Variants in KLF13 observed in about 807,000 individuals in gnomAD.
KLF13 encodes Krueppel-like factor 13.
In KLF13, 8 loss-of-function variants were observed where a neutral mutation model predicts 16.7. The ratio of observed to expected loss-of-function variants is 0.48; its 90% CI spans 0.28 to 0.87. The LOEUF (loss-of-function observed/expected upper bound fraction) is 0.87. Among genes scored for constraint, KLF13 ranks in the 40% least tolerant of loss-of-function variants. The pLI, the probability that KLF13 is intolerant of heterozygous loss-of-function variation, is 0.10. For missense variants in KLF13, 447 were observed against 452.2 expected, an observed-to-expected ratio of 0.99 and a Z score of 0.10; for synonymous variants, 245 against 208.4, an observed-to-expected ratio of 1.18 and a Z score of -1.51.
At chr15:31,423,794 T>C (rs1306494735) in intron 1 of KLF13, among the ~76,000 whole-genome samples, 2 of 152,080 alleles carry the variant, frequency 1.3e-5, no homozygotes, top group Non-Finnish European at 2.9e-5. Flanking sequence ...TTTAAGAAAA[T>C]TGAAATCATA....
intron 1 of KLF13, among the ~76,000 whole-genome samples, chr15:31,350,446 G>A (rs2039198649): frequency 6.6e-6 from 1 of 152,226 alleles, no homozygotes; most frequent in Admixed American, 6.5e-5. Flanking sequence ...TCAAAGGAGG[G>A]AGTCTATGTG....
chr15:31,330,704 C>T (rs2038813130), intron 1 of KLF13, among the ~76,000 whole-genome samples: 1 of 152,234 alleles, frequency 6.6e-6, no homozygotes, highest in Non-Finnish European at 1.5e-5. Context: ...CCCACTCTTC[C>T]AGGAGTTATC....
downstream of KLF13, among the ~76,000 whole-genome samples, chr15:31,405,733 A>T (rs571196027): frequency 2.6e-4 from 39 of 152,304 alleles, no homozygotes; most frequent in African/African-American, 8.9e-4. Context: ...GGAAGGGGAG[A>T]GGCCTGCTGA....
At chr15:31,434,339 G>C (rs1236568381) in intron 1 of KLF13, among the ~76,000 whole-genome samples, 1 of 152,188 alleles carries the variant, frequency 6.6e-6, no homozygotes, top group African/African-American at 2.4e-5. Context: ...GGAGAGCCAG[G>C]AAGGTGCACA....
chr15:31,425,994 C>T (rs80088052), intron 1 of KLF13, among the ~76,000 whole-genome samples: 1,616 of 152,298 alleles, frequency 0.011, 36 homozygotes, highest in African/African-American at 0.037. Flanking sequence ...GTTCAAAGTT[C>T]CACAAATCTC....
intron 1 of KLF13, among the ~76,000 whole-genome samples, chr15:31,352,436 T>C (rs2039231421): frequency 6.6e-6 from 1 of 152,254 alleles, no homozygotes; most frequent in South Asian, 2.1e-4. Flanking sequence ...GAGCTCTGCC[T>C]GGCCCAGGTG....
chr15:31,391,907 C>G (rs944661570), upstream of KLF13, among the ~76,000 whole-genome samples: 4 of 152,098 alleles, frequency 2.6e-5, no homozygotes, highest in African/African-American at 9.7e-5. Context: ...CTGTGAAGGC[C>G]CCGGGAAGGC....
intron 1 of KLF13, among the ~76,000 whole-genome samples, chr15:31,335,509 C>G (rs1178175616): frequency 1.3e-5 from 2 of 150,302 alleles, no homozygotes; most frequent in African/African-American, 2.5e-5. Context: ...GGGGAGGGCA[C>G]AGCATGGCAC....
chr15:31,327,082 C>A lies in KLF13; in HGVS notation c.-131C>A, dbSNP rs943644500. The A allele has an allele frequency of 3.9e-6, 3 of 771,348 alleles. No individual in the cohort carries two copies. The highest frequency in any genetic ancestry group is 3.8e-5 in the African/African-American group (2 of 53,294). The allele number at this position is 771,348 out of a possible 1,614,324, so 47.8% of individuals were successfully genotyped here. On this transcript the variant is annotated 5_prime_UTR_variant, in exon 1 of 2. Transcript: ENST00000307145. ...ACGGCACAGGCGGCTGCGCGCCCAG[C>A]CCAGCCCAGCCCAGCCCGAGGAGAG...
At chr15:31,371,714 C>T (rs1246107327) in intron 1 of KLF13, among the ~76,000 whole-genome samples, 2 of 152,200 alleles carry the variant, frequency 1.3e-5, no homozygotes, top group Non-Finnish European at 2.9e-5. Context: ...TTAGGGGGTC[C>T]ACTGCCAGGA....
chr15:31,374,292 C>T lies in KLF13; in HGVS notation c.*1993C>T, dbSNP rs1425145614. 4 of 152,456 alleles carry T rather than the reference C, an allele frequency of 2.6e-5. No individual in the cohort carries two copies. The highest frequency in any genetic ancestry group is 5.9e-5 in the Non-Finnish European group (4 of 68,138). 9.4% of individuals were successfully genotyped at this position (152,456 alleles called of 1,614,324 possible). On this transcript the variant is annotated 3_prime_UTR_variant, in exon 2 of 2. Transcript: ENST00000307145. ...CGATGGACCCTAAATTGGGCAGTGG[C>T]ATTGTTTCTGCTGTGGTGGGAACTG...
chr15:31,376,166 T>C lies in KLF13; in HGVS notation c.*3867T>C, dbSNP rs1335326353. ...GCCAGAAGCAGGTGCTAAGATGGACTGCACAGGGTCCCGGCACTCCCTCGG... is the reference window on the plus strand; with the variant it reads ...GCCAGAAGCAGGTGCTAAGATGGACCGCACAGGGTCCCGGCACTCCCTCGG... On this transcript the variant is annotated 3_prime_UTR_variant, in exon 2 of 2. Coordinates refer to ENST00000307145, the MANE Select transcript of KLF13 (RefSeq NM_015995.4). 1 of 152,710 alleles carries C rather than the reference T, an allele frequency of 6.5e-6. No homozygotes were observed. Among genetic ancestry groups the C allele is most frequent in the Non-Finnish European group, 1.5e-5 (1 of 68,096 alleles). 9.5% of individuals were successfully genotyped at this position (152,710 alleles called of 1,614,324 possible). A position where few individuals can be genotyped will look rare whatever the true frequency, so the allele number is the denominator to read the frequency against.
At chr15:31,381,831 A>C (rs746249651), downstream of KLF13, among the ~76,000 whole-genome samples, 10 of 152,386 alleles carry the variant, frequency 6.6e-5, no homozygotes, top group Non-Finnish European at 1.5e-4. Context: ...TACAGTTCTT[A>C]AAAGCCGATC....
At chr15:31,368,412 A>G (rs976228632) in intron 1 of KLF13, among the ~76,000 whole-genome samples, 21 of 152,380 alleles carry the variant, frequency 1.4e-4, no homozygotes, top group African/African-American at 4.6e-4. Context: ...TTAGTTGACA[A>G]AATTTTTTTT....
chr15:31,341,537 CTTT>C (rs34870652), intron 1 of KLF13, among the ~76,000 whole-genome samples: 1 of 121,476 alleles, frequency 8.2e-6, no homozygotes, highest in Admixed American at 8.6e-5. Context: ...CAATTCAGAA[CTTT>C]TTTTTTTTTT....
intron 1 of KLF13, among the ~76,000 whole-genome samples, chr15:31,434,430 A>AC (rs952877779): frequency 6.6e-6 from 1 of 151,966 alleles, no homozygotes; most frequent in Non-Finnish European, 1.5e-5. Flanking sequence ...AACCAACAGT[A>AC]CCCCCCAAGG....
At chr15:31,387,813 G>A (rs8042404) in intron 1 of KLF13, among the ~76,000 whole-genome samples, 55,568 of 152,144 alleles carry the variant, frequency 0.37, 11,106 homozygotes, top group African/African-American at 0.52. Context: ...ACAGATGTCC[G>A]TGACAGGGCT....
intron 1 of KLF13, among the ~76,000 whole-genome samples, chr15:31,371,356 C>T (rs1003479494): frequency 1.3e-5 from 2 of 152,244 alleles, no homozygotes; most frequent in African/African-American, 4.8e-5. Context: ...CCTTGTCTGT[C>T]ACCACACTTG....
downstream of KLF13, among the ~76,000 whole-genome samples, chr15:31,404,963 C>A (rs80000877): frequency 0.015 from 2,287 of 152,234 alleles, 23 homozygotes; most frequent in Middle Eastern, 0.031. Flanking sequence ...CAGGCTCCAC[C>A]CTGCCTCAAA....
Sources: allele counts gnomAD v4.1 joint callset (sites outside exome capture counted in the v4.1 genomes callset), GRCh38; gene constraint gnomAD v4.1.1; transcripts MANE v1.5; gene names NCBI Gene and HGNC (gene_info 2026-07-23, HGNC 2026-07-21).